TRHDE: variants seen among roughly 807,000 people sequenced by gnomAD.
The protein encoded by TRHDE is thyrotropin-releasing hormone-degrading ectoenzyme.
TRHDE carries 72 observed loss-of-function variants against 125.7 expected under a neutral mutation model. That is an observed-to-expected ratio of 0.57 (90% confidence interval 0.47 to 0.70). The LOEUF (loss-of-function observed/expected upper bound fraction) is 0.70. Ranked by LOEUF, TRHDE falls within the 30% of genes least tolerant of loss-of-function variation. The pLI, the probability that TRHDE is intolerant of heterozygous loss-of-function variation, is 0.00. For missense variants in TRHDE, 1,110 were observed against 1,327.1 expected (o/e 0.84, Z 2.54); for synonymous variants, 509 against 509.1 (o/e 1.00, Z 0.00).
At chr12:72,253,357 TTTC>T (rs1393250623) in intron 2 of TRHDE, among the ~76,000 whole-genome samples, 1 of 152,128 alleles carries the variant, frequency 6.6e-6, no homozygotes, top group African/African-American at 2.4e-5. Context: ...TTTTATTTCT[TTTC>T]TTCTTCTGCT....
At chr12:72,302,253 T>C (rs917215563) in intron 2 of TRHDE, among the ~76,000 whole-genome samples, 103 of 151,330 alleles carry the variant, frequency 6.8e-4, no homozygotes, top group Admixed American at 1.2e-3. Flanking sequence ...TGTATGTGTG[T>C]GTGTGTGTGT....
At chr12:72,502,139 C>G (rs1373617604) in intron 6 of TRHDE, among the ~76,000 whole-genome samples, 2 of 151,804 alleles carry the variant, frequency 1.3e-5, no homozygotes, top group African/African-American at 4.8e-5. Context: ...TTGATTTTCT[C>G]TCTTGTTTTC....
chr12:72,361,845 G>A (rs1315040539), intron 2 of TRHDE, among the ~76,000 whole-genome samples: 4 of 124,078 alleles, frequency 3.2e-5, no homozygotes, highest in African/African-American at 6.3e-5. Context: ...AGTTTACTGA[G>A]AATGATGATT....
chr12:72,489,038 T>C (rs764322308), intron 5 of TRHDE, among the ~76,000 whole-genome samples: 24 of 151,610 alleles, frequency 1.6e-4, no homozygotes, highest in Non-Finnish European at 2.7e-4. Context: ...AATGCCTACA[T>C]TGAAAAAGAA....
At chr12:72,315,544 A>G (rs1314173705) in intron 2 of TRHDE, among the ~76,000 whole-genome samples, 1 of 152,236 alleles carries the variant, frequency 6.6e-6, no homozygotes, top group Non-Finnish European at 1.5e-5. Context: ...GCAGGATATT[A>G]AGACATGTAG....
chr12:72,251,990 T>C (rs192266966), intron 2 of TRHDE, among the ~76,000 whole-genome samples: 2 of 152,274 alleles, frequency 1.3e-5, no homozygotes, highest in East Asian at 3.9e-4. Context: ...GGTTGAATTA[T>C]TTTGTTTTTA....
chr12:72,273,271 G>C lies in TRHDE; in HGVS notation c.628G>C (p.Gly210Arg), dbSNP rs778785196. ...TAFMENFTFSGEVNVEIACRN... is the reference protein window; with the variant it reads ...TAFMENFTFSREVNVEIACRN... ...CTTCATGGAGAACTTCACCTTCTCC[G>C]GGGAGGTCAACGTGGAGATCGCGTG... Residue 210 changes from glycine to arginine, a missense_variant, in exon 1 of 19, where the codon GGG (glycine) becomes CGG (arginine). Physicochemically the swap from Gly to Arg is moderately radical, Grantham distance 125. This residue lies in a region of TRHDE where 72 missense variants were observed against 122.2 expected (regional missense o/e 0.59). Transcript: ENST00000261180. The surrounding 1 kb of genome is among the most constrained non-coding windows in gnomAD (Gnocchi z 5.3). The C allele has an allele frequency of 1.2e-6, 2 of 1,614,050 alleles. No homozygotes were observed. The highest frequency in any genetic ancestry group is 1.1e-5 in the South Asian group (1 of 91,078).
chr12:72,526,622 T>A (rs1360294061), intron 6 of TRHDE, among the ~76,000 whole-genome samples: 2 of 152,156 alleles, frequency 1.3e-5, no homozygotes, highest in African/African-American at 4.8e-5. Flanking sequence ...ACAAAAGGAT[T>A]ACACAAAAGT....
At chr12:72,597,247 A>G (rs776586787) in intron 12 of TRHDE, among the ~76,000 whole-genome samples, 4 of 152,190 alleles carry the variant, frequency 2.6e-5, no homozygotes, top group Non-Finnish European at 5.9e-5. Context: ...CATTGAACTG[A>G]AAATATTTTG....
In TRHDE at chr12:72,426,612, T is replaced by C. The variant is rs536618969; in HGVS notation, c.1316-43146T>C. ...GGTTACTTGCCAAAGGCCACTTATG[T>C]GGTAGGTGGTAGAGACAGGACAAGT... On this transcript the variant is annotated intron_variant, in intron 3 of 18. Transcript: ENST00000261180. 3.9e-5 allele frequency among the ~76,000 whole-genome samples: 6 copies of C among 152,066 alleles called. No individual in the cohort carries two copies. In the East Asian group the frequency reaches 1.2e-3, roughly 29 times the overall value.
intron 12 of TRHDE, among the ~76,000 whole-genome samples, chr12:72,604,309 T>TC (rs2136062615): frequency 6.6e-6 from 1 of 152,212 alleles, no homozygotes; most frequent in Admixed American, 6.5e-5. Flanking sequence ...CAGCAGGTGT[T>TC]AAGTTTTTTT....
intron 6 of TRHDE, among the ~76,000 whole-genome samples, chr12:72,535,651 T>C (rs1222285958): frequency 6.6e-6 from 1 of 152,058 alleles, no homozygotes; most frequent in Non-Finnish European, 1.5e-5. Context: ...CTTTTTCTGT[T>C]CTTCAGATGC....
intron 2 of TRHDE, among the ~76,000 whole-genome samples, chr12:72,374,294 TGTG>T (rs1460127007): frequency 2.7e-4 from 12 of 44,032 alleles, no homozygotes; most frequent in African/African-American, 1.5e-3. Context: ...GAAGGAGAAG[TGTG>T]TGTGTGTGTG....
chr12:72,168,117 C>G (rs1259975107), intron 2 of TRHDE, among the ~76,000 whole-genome samples: 1 of 152,074 alleles, frequency 6.6e-6, no homozygotes, highest in East Asian at 1.9e-4. Context: ...AGGACTAAAG[C>G]AGATATGCAT....
intron 1 of TRHDE, among the ~76,000 whole-genome samples, chr12:72,096,132 T>TACACACACACAC (rs1208734021): frequency 7.5e-5 from 2 of 26,572 alleles, no homozygotes; most frequent in Non-Finnish European, 1.7e-4. Flanking sequence ...TTCTTATGTG[T>TACACACACACAC]ATACACACAC....
In TRHDE at chr12:72,218,717, C is replaced by T. The variant is rs1429744397; in HGVS notation, n.279+112965C>T. On this transcript the variant is annotated intron_variant and non_coding_transcript_variant, in intron 2 of 4. Transcript: ENST00000548156. ...CTGCATACACATAACTCTAATTCAT[C>T]TCTGCCTTCACATGGCCTTCCCATC... is the stretch of plus-strand genomic sequence containing the variant. Among the ~76,000 whole-genome samples the T allele has an allele frequency of 2.6e-5, 4 of 152,124 alleles. No homozygotes were observed. The South Asian group carries it at 8.3e-4, about 31-fold the overall frequency.
At chr12:72,531,122 T>A (rs1868529388) in intron 6 of TRHDE, among the ~76,000 whole-genome samples, 3 of 152,148 alleles carry the variant, frequency 2.0e-5, no homozygotes. Flanking sequence ...CATCCTCATC[T>A]GTGCTTATTA....
chr12:72,292,897 A>T (rs1050899260), intron 2 of TRHDE, among the ~76,000 whole-genome samples: 1 of 152,160 alleles, frequency 6.6e-6, no homozygotes, highest in Non-Finnish European at 1.5e-5. Flanking sequence ...CTCACTGCGG[A>T]GAGTAGTGTG....
At chr12:72,245,546 G>A (rs1439926820) in intron 2 of TRHDE, among the ~76,000 whole-genome samples, 1 of 151,926 alleles carries the variant, frequency 6.6e-6, no homozygotes, top group African/African-American at 2.4e-5. Context: ...TGTCTTCTCT[G>A]TGGTAATTTT....
Sources: gnomAD v4.1 joint callset for allele counts (sites outside exome capture counted in the v4.1 genomes callset) on GRCh38, gnomAD v4.1.1 for gene constraint, gnomAD v4.1.1 regional missense constraint, Gnocchi (gnomAD v3.1) non-coding constraint, MANE v1.5 for transcripts, NCBI Gene and HGNC (gene_info 2026-07-23, HGNC 2026-07-21) for gene names.